GIMAP8: variants seen among roughly 807,000 people sequenced by gnomAD.
The protein encoded by GIMAP8 is GTPase, IMAP family member 8.
A neutral mutation model predicts 35.6 loss-of-function variants in GIMAP8; 29 were observed. That is an observed-to-expected ratio of 0.81 (90% CI 0.61 to 1.11). The LOEUF is 1.11. Among genes scored for constraint, GIMAP8 ranks in the 50% most tolerant of loss-of-function variants. The pLI, the probability that GIMAP8 is intolerant of heterozygous loss-of-function variation, is 0.00. For missense variants in GIMAP8, 811 were observed against 805.0 expected, an observed-to-expected ratio of 1.01 and a Z score of -0.09; for synonymous variants, 335 against 308.7, an observed-to-expected ratio of 1.09 and a Z score of -0.89.
intron 1 of GIMAP8, among the ~76,000 whole-genome samples, chr7:150,453,676 T>C (rs942622178): frequency 6.6e-6 from 1 of 152,278 alleles, no homozygotes; most frequent in African/African-American, 2.4e-5. Flanking sequence ...ATGTTGTAGA[T>C]ACAGTGGTGA....
Position 150,467,324 on chromosome 7 carries a change from G to T in GIMAP8, c.626G>T (p.Ser209Ile), listed in dbSNP as rs1399964337. The change falls in exon 2 of 5, where the codon AGC becomes ATC. Residue 209 changes from serine to isoleucine, a missense_variant. Physicochemically the swap from Ser to Ile is moderately radical, Grantham distance 142 (BLOSUM62 -2). Transcript: ENST00000307271. Reference sequence around the variant, plus strand: ...CATGTGAACTTCAAAACTGAAGGCAGCAGGTTTCAAGTAAGAATTTTGTTA... The same window carrying T: ...CATGTGAACTTCAAAACTGAAGGCATCAGGTTTCAAGTAAGAATTTTGTTA... The part of the protein sequence containing the change: ...PYHVNFKTEG[S>I]RFQDCVNEAA... 1.9e-6 allele frequency: 3 copies of T among 1,609,394 alleles called. No homozygotes were observed. The highest frequency in any genetic ancestry group is 2.5e-6 in the Non-Finnish European group (3 of 1,176,624).
In GIMAP8 at chr7:150,472,845, A is replaced by AG. The variant is rs1430844033; in HGVS notation, c.683-1161dup. Among the ~76,000 whole-genome samples, 1 of 151,412 alleles carries AG rather than the reference A, an allele frequency of 6.6e-6. No homozygotes were observed. Among genetic ancestry groups the AG allele is most frequent in the Non-Finnish European group, 1.5e-5 (1 of 67,820 alleles). On this transcript the variant is annotated intron_variant, in intron 3 of 4. Transcript: ENST00000307271. The surrounding 1 kb of genome is among the most constrained non-coding windows in gnomAD (Gnocchi z 4.1). Reference sequence around the variant, plus strand: ...AGTCCTGAAGTCTGTAAAGGAGAGTAGGGGGGAGTGTGAGGGAGGGAGGGG... The same window carrying AG: ...AGTCCTGAAGTCTGTAAAGGAGAGTAGGGGGGGAGTGTGAGGGAGGGAGGGG...
intron 1 of GIMAP8, among the ~76,000 whole-genome samples, chr7:150,452,709 T>TATATATATATATATATAC (rs1373884339): frequency 3.0e-4 from 32 of 106,596 alleles, no homozygotes; most frequent in East Asian, 1.2e-3. Context: ...TATATATATA[T>TATATATATATATATATAC]ACATGCGAGT....
At chr7:150,473,068 G>C (rs1324844693) in intron 3 of GIMAP8, among the ~76,000 whole-genome samples, 1 of 152,170 alleles carries the variant, frequency 6.6e-6, no homozygotes, top group Non-Finnish European at 1.5e-5. Context: ...TACAGCAAGG[G>C]CCTTTGATGC....
Position 150,477,654 on chromosome 7 carries a change from G to C in GIMAP8, c.1872G>C (p.Leu624=), listed in dbSNP as rs780700684. The change falls in exon 5 of 5, where the codon CTG becomes CTC. Residue 624 remains leucine (L), a synonymous_variant. Coordinates refer to ENST00000307271, the MANE Select transcript of GIMAP8 (RefSeq NM_175571.4). Reference sequence around the variant, plus strand: ...CTCTTTTAACAAAGGTCAATGATCTGAGAAAAGAAAGTGGGTGGTCCGGGT... The same window carrying C: ...CTCTTTTAACAAAGGTCAATGATCTCAGAAAAGAAAGTGGGTGGTCCGGGT... The part of the protein sequence containing the change: ...VKALLTKVND[L]RKESGWSGYP... 2.5e-6 allele frequency: 4 copies of C among 1,614,206 alleles called. No homozygotes were observed. In the South Asian group the frequency reaches 3.3e-5, roughly 13 times the overall value.
intron 1 of GIMAP8, among the ~76,000 whole-genome samples, chr7:150,459,679 C>G (rs1370400070): frequency 6.6e-6 from 1 of 152,216 alleles, no homozygotes; most frequent in Non-Finnish European, 1.5e-5. Flanking sequence ...ACTTTTCTAT[C>G]AATTCCGCTC....
intron 1 of GIMAP8, among the ~76,000 whole-genome samples, chr7:150,454,871 G>C (rs932646295): frequency 6.7e-6 from 1 of 149,768 alleles, no homozygotes; most frequent in South Asian, 2.1e-4. Context: ...CGGGCGCAGT[G>C]GTTCACGCCT....
chr7:150,460,155 G>A (rs563637241), intron 1 of GIMAP8, among the ~76,000 whole-genome samples: 1 of 152,254 alleles, frequency 6.6e-6, no homozygotes, highest in East Asian at 1.9e-4. Flanking sequence ...TGGCCACTTT[G>A]TTCATCAGCA....
intron 2 of GIMAP8, among the ~76,000 whole-genome samples, chr7:150,469,283 C>A (rs911550204): frequency 6.6e-5 from 10 of 152,184 alleles, no homozygotes; most frequent in Admixed American, 2.0e-4. Context: ...CCATCTGCAT[C>A]AGCTAAAAGT....
At position 150,474,097 on chromosome 7, in the gene GIMAP8, C is replaced by A. The variant is rs772655799; in HGVS notation, c.768C>A (p.Arg256=). 6.2e-7 allele frequency: 1 copy of A among 1,614,030 alleles called. No individual in the cohort carries two copies. Among genetic ancestry groups the A allele is most frequent in the Non-Finnish European group, 8.5e-7 (1 of 1,180,044 alleles). Residue 256 remains arginine, a synonymous_variant, in exon 4 of 5, where the codon CGC becomes CGA. Coordinates refer to ENST00000307271, the MANE Select transcript of GIMAP8 (RefSeq NM_175571.4). ...SELTVLLVGK[R]GAGKSAAGNS... ...TGACAGTCCTCCTTGTGGGGAAACG[C>A]GGTGCTGGAAAAAGTGCAGCAGGAA... is the stretch of plus-strand genomic sequence containing the variant.
chr7:150,467,362 A>T, intron 2 of GIMAP8, 28 bp downstream of exon 2: 2 of 1,584,542 alleles, frequency 1.3e-6, no homozygotes, highest in Non-Finnish European at 1.7e-6. Flanking sequence ...ATCTTGAAAG[A>T]TCTCTATGTT....
intron 4 of GIMAP8, among the ~76,000 whole-genome samples, chr7:150,476,238 A>T (rs1306177858): frequency 1.3e-5 from 2 of 152,248 alleles, no homozygotes; most frequent in African/African-American, 2.4e-5. Flanking sequence ...ATTGAAGTAG[A>T]TATTAGCTAT....
rs929722833 is a variant in GIMAP8 at position 150,472,075 on chromosome 7, C to T, written c.682+1201C>T. Among the ~76,000 whole-genome samples the T allele has an allele frequency of 6.6e-6, 1 of 152,100 alleles. No individual in the cohort carries two copies. The highest frequency in any genetic ancestry group is 1.5e-5 in the Non-Finnish European group (1 of 68,032). On this transcript the variant is annotated intron_variant, in intron 3 of 4. Transcript: ENST00000307271. The surrounding 1 kb of genome is among the most constrained non-coding windows in gnomAD (Gnocchi z 4.1). Reference sequence around the variant, plus strand: ...TCAAAATTCTGGCAATGCCCTTTGGCCGAGACCCCAGGAACACACGTGTGA... The same window carrying T: ...TCAAAATTCTGGCAATGCCCTTTGGTCGAGACCCCAGGAACACACGTGTGA...
chr7:150,464,905 T>C (rs1801920639), intron 1 of GIMAP8, among the ~76,000 whole-genome samples: 1 of 152,106 alleles, frequency 6.6e-6, no homozygotes, highest in Non-Finnish European at 1.5e-5. Flanking sequence ...TGTAAGCACA[T>C]TGTGAATTGG....
At chr7:150,454,912 G>A (rs999897302) in intron 1 of GIMAP8, among the ~76,000 whole-genome samples, 3 of 152,176 alleles carry the variant, frequency 2.0e-5, no homozygotes, top group Admixed American at 1.3e-4. Context: ...GCTGAGGCGG[G>A]TGGATCACCT....
rs2140595 is a variant in GIMAP8, at chr7:150,466,749, A to G, written c.51A>G (p.Gly17=). The G allele has an allele frequency of 0.34, 550,911 of 1,613,960 alleles. 95,138 individuals are homozygous for G. Among genetic ancestry groups the G allele is most frequent in the East Asian group, 0.44 (19,803 of 44,878 alleles). ...QMSELRLLLL[G]KCRSGKSATG... ...CCGAACTGCGGCTCCTCCTCCTGGG[A>G]AAATGCCGCTCGGGAAAAAGTGCCA... The change falls in exon 2 of 5, where the codon GGA becomes GGG. Residue 17 remains glycine, a synonymous_variant. Transcript: ENST00000307271.
At position 150,466,928 on chromosome 7, in the gene GIMAP8, A is replaced by G; in HGVS notation, c.230A>G (p.Glu77Gly). 1 of 1,614,232 alleles carries G rather than the reference A, an allele frequency of 6.2e-7. No homozygotes were observed. Among genetic ancestry groups the G allele is most frequent in the Non-Finnish European group, 8.5e-7 (1 of 1,180,036 alleles). ...CTTTTCTCCTCAATAGCTTGTGCTG[A>G]AGACAAGCAACGCAACATCCAACAC... ...PDLFSSIACA[E>G]DKQRNIQHCL... Residue 77 changes from glutamate (E) to glycine (G), a missense_variant, in exon 2 of 5, where the codon GAA becomes GGA. Transcript: ENST00000307271.
Position 150,478,059 on chromosome 7 carries a change from C to A in GIMAP8, c.*279C>A. ...CTGATAATAAGTGGTAGAATCAAGTCACAAGAATCACCTCACTTGTGTAGG... is the reference window on the plus strand; with the variant it reads ...CTGATAATAAGTGGTAGAATCAAGTAACAAGAATCACCTCACTTGTGTAGG... On this transcript the variant is annotated 3_prime_UTR_variant, in exon 5 of 5. Transcript: ENST00000307271. The A allele has an allele frequency of 2.2e-6, 1 of 454,398 alleles. No homozygotes were observed. The highest frequency in any genetic ancestry group is 3.9e-5 in the East Asian group (1 of 25,962). 28.1% of individuals were successfully genotyped at this position (454,398 alleles called of 1,614,324 possible).
chr7:150,471,471 A>T (rs73478108), intron 3 of GIMAP8, among the ~76,000 whole-genome samples: 175 of 152,366 alleles, frequency 1.1e-3, no homozygotes, highest in Middle Eastern at 6.8e-3. Context: ...GTCGTGAATA[A>T]GATAGACAAG....
Sources: allele counts gnomAD v4.1 joint callset (sites outside exome capture counted in the v4.1 genomes callset), GRCh38; gene constraint gnomAD v4.1.1; non-coding constraint Gnocchi (gnomAD v3.1); transcripts MANE v1.5; gene names NCBI Gene and HGNC (gene_info 2026-07-23, HGNC 2026-07-21).